ANK2: variants seen among roughly 807,000 people sequenced by gnomAD.
ANK2 encodes ankyrin-2.
In ANK2, 83 loss-of-function variants were observed where a neutral mutation model predicts 360.5. That is an observed-to-expected ratio of 0.23 (90% CI 0.19 to 0.28). The LOEUF (loss-of-function observed/expected upper bound fraction) is 0.28, where lower values mean the gene tolerates loss of function less well. Ranked by LOEUF, ANK2 falls within the 10% of genes least tolerant of loss-of-function variation. The pLI is 1.00. For missense variants in ANK2, 4,201 were observed against 4,795.7 expected, an observed-to-expected ratio of 0.88 and a Z score of 3.66; for synonymous variants, 1,740 against 1,759.5, an observed-to-expected ratio of 0.99 and a Z score of 0.28.
intron 2 of ANK2, among the ~76,000 whole-genome samples, chr4:113,179,745 T>G (rs117939208): frequency 0.038 from 5,724 of 152,320 alleles, 168 homozygotes; most frequent in Non-Finnish European, 0.055. Flanking sequence ...AACTTAATAC[T>G]GTTACAAACA....
chr4:112,932,083 G>A (rs2093293863), intron 2 of ANK2, among the ~76,000 whole-genome samples: 3 of 152,128 alleles, frequency 2.0e-5, no homozygotes, highest in African/African-American at 2.4e-5. Context: ...CCTTTAGCCC[G>A]AAGATAGTGA....
At chr4:112,904,745 A>G (rs2084631731) in intron 2 of ANK2, among the ~76,000 whole-genome samples, 1 of 152,124 alleles carries the variant, frequency 6.6e-6, no homozygotes, top group Non-Finnish European at 1.5e-5. Context: ...AGGTAAATAG[A>G]TTGTCTCTTC....
chr4:112,815,731 G>A (rs1394896450), upstream of ANK2, among the ~76,000 whole-genome samples: 1 of 152,024 alleles, frequency 6.6e-6, no homozygotes, highest in Non-Finnish European at 1.5e-5. Flanking sequence ...CTCTGTAATG[G>A]GACCTCCATA....
intron 1 of ANK2, among the ~76,000 whole-genome samples, chr4:112,828,954 G>A (rs1311639087): frequency 1.3e-5 from 2 of 152,132 alleles, no homozygotes; most frequent in Non-Finnish European, 2.9e-5. Flanking sequence ...AGGAGTTTGA[G>A]AACAGGCTGG....
At chr4:113,124,143 G>A (rs1392591416) in intron 1 of ANK2, among the ~76,000 whole-genome samples, 4 of 152,120 alleles carry the variant, frequency 2.6e-5, no homozygotes, top group Admixed American at 1.3e-4. Context: ...TTTAAAGGAA[G>A]ACCACTACAT....
intron 2 of ANK2, among the ~76,000 whole-genome samples, chr4:112,996,643 C>T (rs2048622267): frequency 6.6e-6 from 1 of 151,796 alleles, no homozygotes. Context: ...TTATGGGGTA[C>T]ATGTGATGTT....
chr4:113,372,457 T>C, intron 43 of ANK2: 1 of 924,776 alleles, frequency 1.1e-6, no homozygotes, highest in Non-Finnish European at 1.6e-6. Flanking sequence ...CAATACAATG[T>C]AAGCTAAAGA....
At chr4:113,146,831 T>C (rs2096853819) in intron 1 of ANK2, among the ~76,000 whole-genome samples, 1 of 152,188 alleles carries the variant, frequency 6.6e-6, no homozygotes, top group African/African-American at 2.4e-5. Context: ...ATGGTTTGGC[T>C]GCAACTATGA....
chr4:112,753,136 A>T, the ANK2 span, among the ~76,000 whole-genome samples: 2 of 152,334 alleles, frequency 1.3e-5, no homozygotes, highest in East Asian at 3.9e-4. Context: ...CAGAGAGCAC[A>T]TTGGTGCCTC....
At chr4:112,727,898 A>G in the ANK2 span, among the ~76,000 whole-genome samples, 1 of 152,198 alleles carries the variant, frequency 6.6e-6, no homozygotes, top group African/African-American at 2.4e-5. Context: ...AATTGCTTGC[A>G]CGCGGGAGGC....
At chr4:113,183,101 A>G (rs1254984380) in intron 2 of ANK2, among the ~76,000 whole-genome samples, 1 of 152,020 alleles carries the variant, frequency 6.6e-6, no homozygotes, top group Non-Finnish European at 1.5e-5. Context: ...TGGGCAGAGG[A>G]GCAGGAAGTG....
At chr4:113,203,870 T>A (rs1009465439) in intron 4 of ANK2, among the ~76,000 whole-genome samples, 1 of 152,182 alleles carries the variant, frequency 6.6e-6, no homozygotes, top group Non-Finnish European at 1.5e-5. Flanking sequence ...ATTTTTAAAA[T>A]TCCTTTTTCT....
At chr4:112,979,678 T>C (rs2042499145) in intron 2 of ANK2, 1 of 152,356 alleles carries the variant, frequency 6.6e-6, no homozygotes, top group African/African-American at 2.4e-5. Context: ...AGAACAGTTA[T>C]CAGGAGACCT....
Position 113,352,861 on chromosome 4 carries a change from C to T in ANK2, c.4427-184C>T, listed in dbSNP as rs77549752. Reference sequence around the variant, plus strand: ...TTTCCTTTTCAGTTGTTTTTTTTTTCGTTAGCCTTGCTTTGCTCTTGTACC... The same window carrying T: ...TTTCCTTTTCAGTTGTTTTTTTTTTTGTTAGCCTTGCTTTGCTCTTGTACC... On this transcript the variant is annotated intron_variant, in intron 37 of 45. Coordinates refer to ENST00000357077, the MANE Select transcript of ANK2 (RefSeq NM_001148.6). Among the ~76,000 whole-genome samples the T allele has an allele frequency of 0.015, 2,201 of 147,136 alleles. 34 individuals carry two copies. The highest frequency in any genetic ancestry group is 0.04 in the African/African-American group (1,606 of 39,934).
intron 2 of ANK2, among the ~76,000 whole-genome samples, chr4:112,974,304 G>A (rs1388805699): frequency 6.6e-6 from 1 of 152,174 alleles, no homozygotes; most frequent in African/African-American, 2.4e-5. Context: ...GCAAGAAAAT[G>A]TTTTCCATTA....
rs70958489 is a variant in ANK2, at chr4:112,821,771, AT to A, written c.-40+3522del. On this transcript the variant is annotated intron_variant, in intron 1 of 30. Coordinates refer to the ANK2 transcript ENST00000503271. Reference sequence around the variant, plus strand: ...ATTTGGGTGGTTTTCTGAGTCATAGATTTTTTTTTTTTTTTGAGAAAGGGTC... The same window carrying A: ...ATTTGGGTGGTTTTCTGAGTCATAGATTTTTTTTTTTTTTGAGAAAGGGTC... Among the ~76,000 whole-genome samples, 178 of 135,370 alleles carry A rather than the reference AT, an allele frequency of 1.3e-3. 1 individual carries two copies. Among genetic ancestry groups the A allele is most frequent in the Non-Finnish European group, 8.8e-4 (55 of 62,536 alleles). The allele number at this position is 135,370 out of a possible 152,430, so 88.8% of individuals were successfully genotyped here. A position where few individuals can be genotyped will look rare whatever the true frequency, so the allele number is the denominator to read the frequency against.
intron 2 of ANK2, among the ~76,000 whole-genome samples, chr4:112,975,983 A>T (rs1582346382): frequency 1.3e-5 from 2 of 152,084 alleles, no homozygotes; most frequent in African/African-American, 2.4e-5. Flanking sequence ...CTCCTATCTT[A>T]TATTTAATTG....
intron 1 of ANK2, among the ~76,000 whole-genome samples, chr4:113,062,741 T>C (rs968253297): frequency 6.6e-6 from 1 of 152,136 alleles, no homozygotes; most frequent in African/African-American, 2.4e-5. Context: ...GGTCTTTCAG[T>C]ATACTGAATG....
intron 1 of ANK2, among the ~76,000 whole-genome samples, chr4:113,124,155 G>A (rs998726376): frequency 1.3e-5 from 2 of 152,168 alleles, no homozygotes; most frequent in Non-Finnish European, 2.9e-5. Context: ...CCACTACATT[G>A]TGAATTTAAA....
Sources: gnomAD v4.1 joint callset for allele counts (sites outside exome capture counted in the v4.1 genomes callset) on GRCh38, gnomAD v4.1.1 for gene constraint, MANE v1.5 for transcripts, NCBI Gene and HGNC (gene_info 2026-07-23, HGNC 2026-07-21) for gene names.